KRT1: variants seen among roughly 807,000 people sequenced by gnomAD.
KRT1 encodes keratin, type II cytoskeletal 1.
Under a neutral mutation model 51.6 loss-of-function variants are expected in KRT1, and 28 were observed. The ratio of observed to expected loss-of-function variants is 0.54; its 90% CI spans 0.40 to 0.74. KRT1 has a LOEUF of 0.74. KRT1 is among the 30% of genes least tolerant of loss of function. KRT1 has a pLI of 0.00. For missense variants in KRT1, 783 were observed against 815.5 expected, an observed-to-expected ratio of 0.96 and a Z score of 0.49; for synonymous variants, 301 against 307.7, an observed-to-expected ratio of 0.98 and a Z score of 0.23.
At position 52,674,878 on chromosome 12, in the gene KRT1, T is replaced by A. The variant is rs550879646; in HGVS notation, c.*315A>T. 4.2e-5 allele frequency: 22 copies of A among 520,960 alleles called. No individual in the cohort carries two copies. The highest frequency in any genetic ancestry group is 3.2e-4 in the South Asian group (15 of 47,418). The allele number at this position is 520,960 out of a possible 1,614,324, so 32.3% of individuals were successfully genotyped here. On this transcript the variant is annotated 3_prime_UTR_variant, in exon 9 of 9. Transcript: ENST00000252244. ...AGATGCTAAGGAGCTGTCCACACCCTGGGTCTAACTGGTCCTACTCTGGCT... is the reference window on the plus strand; with the variant it reads ...AGATGCTAAGGAGCTGTCCACACCCAGGGTCTAACTGGTCCTACTCTGGCT...
chr12:52,680,291 C>A lies in KRT1; in HGVS notation c.58G>T (p.Gly20Cys). 6.2e-7 allele frequency: 1 copy of A among 1,614,178 alleles called. No individual in the cohort carries two copies. Among genetic ancestry groups the A allele is most frequent in the South Asian group, 1.1e-5 (1 of 91,082 alleles). The change falls in exon 1 of 9, where the codon GGC (glycine) becomes TGC (cysteine). Residue 20 changes from glycine to cysteine, a missense_variant. By Grantham distance (159) the Gly-to-Cys change is radical. Coordinates refer to ENST00000252244, the MANE Select transcript of KRT1 (RefSeq NM_006121.4). Reference sequence around the variant, plus strand: ...TGGTAGTTGATGATCCCAGCAGAGCCAGAGCTGAAGCCCCCTCCACTTCGG... The same window carrying A: ...TGGTAGTTGATGATCCCAGCAGAGCAAGAGCTGAAGCCCCCTCCACTTCGG... ...GYRSGGGFSS[G>C]SAGIINYQRR...
rs759299240 is a variant in KRT1 at position 52,675,611 on chromosome 12, C to T, written c.1517G>A (p.Ser506Asn). ...TCCACTGATGGTGGTGTGGCTTGTG[C>T]TCACAGCTGCAAGAGGAAGCTCAGT... is the stretch of plus-strand genomic sequence containing the variant. ...ECAPNVSVSV[S>N]TSHTTISGGG... The change falls in exon 9 of 9, where the codon AGC becomes AAC. Residue 506 changes from serine (S) to asparagine (N), a missense_variant. Physicochemically the swap from Ser to Asn is conservative, Grantham distance 46. Coordinates refer to ENST00000252244, the MANE Select transcript of KRT1 (RefSeq NM_006121.4). 1 of 1,614,118 alleles carries T rather than the reference C, an allele frequency of 6.2e-7. No homozygotes were observed. The highest frequency in any genetic ancestry group is 8.5e-7 in the Non-Finnish European group (1 of 1,180,030).
chr12:52,676,185 GCAATCAGATGGCTGCATCTTCAACAA>G, intron 7 of KRT1, 64 bp downstream of exon 7: 2 of 1,075,580 alleles, frequency 1.9e-6, no homozygotes, highest in Non-Finnish European at 2.8e-6. Context: ...AGCACAAGCT[GCAATCAGATGGCTGCATCTTCAACAA>G]CAATCAGCTT....
Position 52,678,616 on chromosome 12 carries a change from T to A in KRT1, c.732A>T (p.Gln244His). The A allele has an allele frequency of 6.2e-7, 1 of 1,614,204 alleles. No individual in the cohort carries two copies. Among genetic ancestry groups the A allele is most frequent in the South Asian group, 1.1e-5 (1 of 91,078 alleles). ...CCAACCGAGATTGATCACTCTTCAG[T>A]TGGTCCACTCTCCTTCGGAGATTGT... ...FINNLRRRVD[Q>H]LKSDQSRLDS... is the part of the protein sequence containing the mutation. Residue 244 changes from glutamine (Q) to histidine (H), a missense_variant, in exon 2 of 9, where the codon CAA (glutamine) becomes CAT (histidine). Coordinates refer to ENST00000252244, the MANE Select transcript of KRT1 (RefSeq NM_006121.4).
intron 8 of KRT1, 24 bp downstream of exon 8, chr12:52,675,686 C>T: frequency 6.2e-7 from 1 of 1,614,218 alleles, no homozygotes; most frequent in Non-Finnish European, 8.5e-7. Context: ...TGCACATGCC[C>T]CTGAGAAATC....
Position 52,675,437 on chromosome 12 carries a change from C to T in KRT1, c.1691G>A (p.Gly564Asp), listed in dbSNP as rs1941485834. The T allele has an allele frequency of 6.8e-7, 1 of 1,460,654 alleles. No individual in the cohort carries two copies. The highest frequency in any genetic ancestry group is 9.3e-7 in the Non-Finnish European group (1 of 1,074,684). The allele number at this position is 1,460,654 out of a possible 1,614,324, so 90.5% of individuals were successfully genotyped here. A position where few individuals can be genotyped will look rare whatever the true frequency, so the allele number is the denominator to read the frequency against. Residue 564 changes from glycine to aspartate, a missense_variant, in exon 9 of 9, where the codon GGC becomes GAC. Transcript: ENST00000252244. ...SGGSSYGSGG[G>D]SYGSGGGGGG... ...GCCGCCACCTCCAGAGCCATAGCTGCCACCTCCGGAGCCGTAGCTGCTACC... is the reference window on the plus strand; with the variant it reads ...GCCGCCACCTCCAGAGCCATAGCTGTCACCTCCGGAGCCGTAGCTGCTACC...
chr12:52,679,036 C>T (rs1941548713), intron 1 of KRT1, among the ~76,000 whole-genome samples: 1 of 152,150 alleles, frequency 6.6e-6, no homozygotes, highest in Non-Finnish European at 1.5e-5. Context: ...AAGAGATTTG[C>T]CTTCCAAAAT....
chr12:52,678,036 C>T (rs987144464), intron 3 of KRT1, 127 bp downstream of exon 3: 8 of 877,942 alleles, frequency 9.1e-6, no homozygotes, highest in South Asian at 2.8e-5. Flanking sequence ...AAATATAGCC[C>T]CACTCCATAT....
At position 52,678,217 on chromosome 12, in the gene KRT1, C is replaced by A. The variant is rs767422813; in HGVS notation, c.813G>T (p.Glu271Asp). The A allele has an allele frequency of 6.2e-7, 1 of 1,614,046 alleles. No individual in the cohort carries two copies. Among genetic ancestry groups the A allele is most frequent in the South Asian group, 1.1e-5 (1 of 91,062 alleles). Reference sequence around the variant, plus strand: ...CATTTGTCCGCTTGTTGATTTCATCCTCATACCTGCAGGAAAGCAGAAACA... The same window carrying A: ...CATTTGTCCGCTTGTTGATTTCATCATCATACCTGCAGGAAAGCAGAAACA... ...DMVEDYRNKY[E>D]DEINKRTNAE... Residue 271 changes from glutamate to aspartate, a missense_variant, in exon 3 of 9, where the codon GAG becomes GAT. Physicochemically the swap from Glu to Asp is conservative, Grantham distance 45 (BLOSUM62 2). Transcript: ENST00000252244.
rs1195972172 is a variant in KRT1 at position 52,674,941 on chromosome 12, G to A, written c.*252C>T. 8 of 614,822 alleles carry A rather than the reference G, an allele frequency of 1.3e-5. No individual in the cohort carries two copies. Among genetic ancestry groups the A allele is most frequent in the Non-Finnish European group, 2.3e-5 (8 of 346,740 alleles). 38.1% of individuals were successfully genotyped at this position (614,822 alleles called of 1,614,324 possible). A position where few individuals can be genotyped will look rare whatever the true frequency, so the allele number is the denominator to read the frequency against. On this transcript the variant is annotated 3_prime_UTR_variant, in exon 9 of 9. Coordinates refer to ENST00000252244, the MANE Select transcript of KRT1 (RefSeq NM_006121.4). ...TGCTTTGAAATGTCATGTGGGTGGT[G>A]GTCACTGCTGAACTGTTTCTCAGGG...
At chr12:52,678,126 T>C (rs907046933) in intron 3 of KRT1, 37 bp downstream of exon 3, 14 of 1,603,280 alleles carry the variant, frequency 8.7e-6, no homozygotes, top group Non-Finnish European at 1.2e-5. Flanking sequence ...CCCTTATTTA[T>C]TTCAAATGTG....
At position 52,674,859 on chromosome 12, in the gene KRT1, T is replaced by C; in HGVS notation, c.*334A>G. The C allele has an allele frequency of 4.2e-6, 2 of 480,034 alleles. No individual in the cohort carries two copies. Among genetic ancestry groups the C allele is most frequent in the East Asian group, 7.9e-5 (2 of 25,248 alleles). The allele number at this position is 480,034 out of a possible 1,614,324, so 29.7% of individuals were successfully genotyped here. On this transcript the variant is annotated 3_prime_UTR_variant, in exon 9 of 9. Coordinates refer to ENST00000252244, the MANE Select transcript of KRT1 (RefSeq NM_006121.4). ...CCAAAACAGCACAGAGATAAGATGC[T>C]AAGGAGCTGTCCACACCCTGGGTCT... is the stretch of plus-strand genomic sequence containing the variant.
rs201036490 is a variant in KRT1 at position 52,675,628 on chromosome 12, A to G, written c.1511-11T>C. On this transcript the variant is annotated splice_polypyrimidine_tract_variant and intron_variant, in intron 8 of 8. Transcript: ENST00000252244. ...GGCTTGTGCTCACAGCTGCAAGAGG[A>G]AGCTCAGTTATTTTCAACCTCAACT... is the stretch of plus-strand genomic sequence containing the variant. 36 of 1,614,154 alleles carry G rather than the reference A, an allele frequency of 2.2e-5. No individual in the cohort carries two copies. In the Admixed American group the frequency reaches 4.0e-4, roughly 18 times the overall value.
In KRT1 at chr12:52,680,289, GC is replaced by G. The variant is rs764160619; in HGVS notation, c.59del (p.Gly20AlafsTer59). 1 of 1,614,180 alleles carries G rather than the reference GC, an allele frequency of 6.2e-7. No homozygotes were observed. The highest frequency in any genetic ancestry group is 1.1e-5 in the South Asian group (1 of 91,078). On this transcript the variant is annotated frameshift_variant, in exon 1 of 9. Transcript: ENST00000252244. LOFTEE classifies it high-confidence loss of function. ...GCTGGTAGTTGATGATCCCAGCAGA[GC>G]CAGAGCTGAAGCCCCCTCCACTTCG... The part of the protein sequence containing the change: ...GYRSGGGFSS[G>X]SAGIINYQRR...
chr12:52,675,303 A>G lies in KRT1; in HGVS notation c.1825T>C (p.Ser609Pro). Residue 609 changes from serine (S) to proline (P), a missense_variant, in exon 9 of 9, where the codon TCT becomes CCT. By Grantham distance (74) the Ser-to-Pro change is moderately conservative (BLOSUM62 -1). Transcript: ENST00000252244. ...SGGRGSGGGSSGGSIGGRGSS... is the reference protein window; with the variant it reads ...SGGRGSGGGSPGGSIGGRGSS... Reference sequence around the variant, plus strand: ...CCCCGGCCTCCTATGGAGCCTCCAGAGCTCCCGCCGCCAGAGCCCCGGCCG... The same window carrying G: ...CCCCGGCCTCCTATGGAGCCTCCAGGGCTCCCGCCGCCAGAGCCCCGGCCG... 5 of 1,612,806 alleles carry G rather than the reference A, an allele frequency of 3.1e-6. No individual in the cohort carries two copies. Among genetic ancestry groups the G allele is most frequent in the Non-Finnish European group, 4.2e-6 (5 of 1,179,846 alleles).
At chr12:52,678,356 A>C in intron 2 of KRT1, 133 bp from the exon 3 acceptor site, 1 of 1,051,202 alleles carries the variant, frequency 9.5e-7, no homozygotes, top group Non-Finnish European at 1.4e-6. Flanking sequence ...ACTACTTTCT[A>C]CTGAGCAATA....
rs371260991 is a variant in KRT1 at position 52,677,345 on chromosome 12, C to T, written c.1099G>A (p.Ala367Thr). Residue 367 changes from alanine (A) to threonine (T), a missense_variant, in exon 5 of 9, where the codon GCT becomes ACT. By Grantham distance (58) the Ala-to-Thr change is moderately conservative. Coordinates refer to ENST00000252244, the MANE Select transcript of KRT1 (RefSeq NM_006121.4). ...CTCTGGTACAAGGACTCGGCCTCAG[C>T]TTTGCTCTTCTGGGCTATATCCTCG... ...QYEDIAQKSK[A>T]EAESLYQSKY... 2 of 1,614,130 alleles carry T rather than the reference C, an allele frequency of 1.2e-6. No individual in the cohort carries two copies. The highest frequency in any genetic ancestry group is 2.7e-5 in the African/African-American group (2 of 74,942).
At position 52,679,938 on chromosome 12, in the gene KRT1, A is replaced by G; in HGVS notation, c.411T>C (p.Gly137=). The stretch of plus-strand genomic sequence containing the variant: ...CAGGACCATAACCACCCCCATATCC[A>G]CCACCCCCAAAGCCACCTCCACCAA... ...GGFGGGGFGG[G]GYGGGYGPVC... is the part of the protein sequence containing the mutation. The change falls in exon 1 of 9, where the codon GGT becomes GGC. Residue 137 remains glycine (G), a synonymous_variant. Coordinates refer to ENST00000252244, the MANE Select transcript of KRT1 (RefSeq NM_006121.4). 1 of 1,612,530 alleles carries G rather than the reference A, an allele frequency of 6.2e-7. No homozygotes were observed. The highest frequency in any genetic ancestry group is 8.5e-7 in the Non-Finnish European group (1 of 1,179,516).
rs371104398 is a variant in KRT1 at position 52,679,516 on chromosome 12, A to T, written c.591+242T>A. Among the ~76,000 whole-genome samples, 869 of 152,310 alleles carry T rather than the reference A, an allele frequency of 5.7e-3. 41 individuals carry two copies. In the South Asian group the frequency reaches 0.11, roughly 20 times the overall value. Reference sequence around the variant, plus strand: ...TCCGCTCAAGAGCTGAATAAAAAGCACTTAAATGTTAATGTCACACTGACC... The same window carrying T: ...TCCGCTCAAGAGCTGAATAAAAAGCTCTTAAATGTTAATGTCACACTGACC... On this transcript the variant is annotated intron_variant, in intron 1 of 8. Coordinates refer to ENST00000252244, the MANE Select transcript of KRT1 (RefSeq NM_006121.4).
Sources: gnomAD v4.1 joint callset for allele counts (sites outside exome capture counted in the v4.1 genomes callset) on GRCh38, gnomAD v4.1.1 for gene constraint, MANE v1.5 for transcripts, NCBI Gene and HGNC (gene_info 2026-07-23, HGNC 2026-07-21) for gene names.